AOPEP: variants seen among roughly 807,000 people sequenced by gnomAD.
AOPEP encodes the protein aminopeptidase O (putative).
A neutral mutation model predicts 98.1 loss-of-function variants in AOPEP; 77 were observed. The observed-to-expected ratio is 0.78, with a 90% CI of 0.65 to 0.95. The LOEUF (loss-of-function observed/expected upper bound fraction) is 0.95. Among genes scored for constraint, AOPEP ranks in the 40% least tolerant of loss-of-function variants. AOPEP has a pLI of 0.00. For missense variants in AOPEP, 1,024 were observed against 1,024.7 expected (o/e 1.00, Z 0.01); for synonymous variants, 346 against 365.3 (o/e 0.95, Z 0.60).
chr9:95,005,124 G>C (rs765863961), intron 11 of AOPEP, 34 bp from the exon 12 acceptor site: 7 of 1,091,452 alleles, frequency 6.4e-6, no homozygotes, highest in Non-Finnish European at 7.9e-6. Context: ...GGCCGCTCCC[G>C]CGGTAAACTT....
At chr9:95,144,136 G>C in the AOPEP span, among the ~76,000 whole-genome samples, 4 of 152,262 alleles carry the variant, frequency 2.6e-5, no homozygotes, top group East Asian at 1.9e-4. Flanking sequence ...ATCTGGGGAG[G>C]GGGGGCTGGG....
chr9:95,108,767 GT>G, the AOPEP span, among the ~76,000 whole-genome samples: 3 of 152,178 alleles, frequency 2.0e-5, no homozygotes, highest in Non-Finnish European at 4.4e-5. Context: ...TAATAATTCG[GT>G]TTATATACTT....
intron 3 of AOPEP, among the ~76,000 whole-genome samples, chr9:94,776,888 C>G (rs530609327): frequency 1.3e-5 from 2 of 148,394 alleles, no homozygotes; most frequent in Non-Finnish European, 3.0e-5. Context: ...CATTCTTGAG[C>G]TCTTAAGTTG....
downstream of AOPEP, among the ~76,000 whole-genome samples, chr9:95,087,456 C>A (rs2070786786): frequency 8.9e-6 from 1 of 112,470 alleles, no homozygotes; most frequent in African/African-American, 3.4e-5. Flanking sequence ...GCACTCCAGC[C>A]TGGGCGACAG....
the AOPEP span, among the ~76,000 whole-genome samples, chr9:95,102,114 A>T: frequency 6.6e-6 from 1 of 152,230 alleles, no homozygotes; most frequent in African/African-American, 2.4e-5. Context: ...CCTTAGACTC[A>T]TAAAGGCCAC....
downstream of AOPEP, among the ~76,000 whole-genome samples, chr9:95,092,084 A>G (rs538653763): frequency 3.2e-3 from 461 of 145,432 alleles, 6 homozygotes; most frequent in East Asian, 0.037. Flanking sequence ...GTGTGTGTGC[A>G]CACACACACA....
chr9:95,003,716 AAC>A lies in AOPEP; in HGVS notation c.1978-1438_1978-1437del, dbSNP rs3830200. 5.3e-3 allele frequency among the ~76,000 whole-genome samples: 801 copies of A among 152,368 alleles called. 14 individuals carry two copies. Among genetic ancestry groups the A allele is most frequent in the East Asian group, 0.043 (226 of 5,196 alleles). On this transcript the variant is annotated intron_variant, in intron 11 of 16. Transcript: ENST00000375315. ...TACAGTCTATACTAAAAGATATAAT[AAC>A]ACATTGAAAAATCTCTAGCAAATGA... is the stretch of plus-strand genomic sequence containing the variant.
chr9:95,082,569 C>A lies in AOPEP; in HGVS notation c.2320-6C>A. 6.2e-7 allele frequency: 1 copy of A among 1,614,000 alleles called. No homozygotes were observed. The highest frequency in any genetic ancestry group is 8.5e-7 in the Non-Finnish European group (1 of 1,179,984). On this transcript the variant is annotated splice_polypyrimidine_tract_variant and splice_region_variant and intron_variant, in intron 15 of 16. Coordinates refer to ENST00000375315, the MANE Select transcript of AOPEP (RefSeq NM_001193329.3). ...CCTGATGCCCTTTGGCCTCTGTGCC[C>A]TGCAGGCCATGGGTGTGTACCTCTA...
At chr9:95,128,612 TCA>T in the AOPEP span, among the ~76,000 whole-genome samples, 2 of 152,150 alleles carry the variant, frequency 1.3e-5, no homozygotes, top group African/African-American at 4.8e-5. Flanking sequence ...CAGCTCTTAC[TCA>T]GTTTGTTAGA....
intron 11 of AOPEP, among the ~76,000 whole-genome samples, chr9:94,996,021 A>G (rs2061200198): frequency 6.6e-6 from 1 of 152,096 alleles, no homozygotes. Context: ...CCACCTCCAC[A>G]TGCAGGGGGT....
At chr9:94,744,944 G>T (rs1834122411) in intron 1 of AOPEP, among the ~76,000 whole-genome samples, 1 of 151,054 alleles carries the variant, frequency 6.6e-6, no homozygotes, top group Non-Finnish European at 1.5e-5. Context: ...AATTTTTCTG[G>T]ATACATATTA....
intron 5 of AOPEP, among the ~76,000 whole-genome samples, chr9:94,851,073 C>A (rs1275413100): frequency 1.3e-5 from 2 of 152,174 alleles, no homozygotes; most frequent in African/African-American, 2.4e-5. Context: ...GACGGAGAAG[C>A]GGAGCTCTGA....
At chr9:94,963,436 G>A (rs929814100) in intron 9 of AOPEP, among the ~76,000 whole-genome samples, 4 of 152,064 alleles carry the variant, frequency 2.6e-5, no homozygotes, top group African/African-American at 7.2e-5. Flanking sequence ...AGCTGTATGC[G>A]ATGGACCTGA....
intron 5 of AOPEP, among the ~76,000 whole-genome samples, chr9:94,846,777 G>C (rs1049288193): frequency 6.6e-6 from 1 of 152,144 alleles, no homozygotes; most frequent in East Asian, 1.9e-4. Context: ...TGCGATGGTG[G>C]TGTGTACATG....
At chr9:95,101,797 G>A in the AOPEP span, 5 of 1,614,012 alleles carry the variant, frequency 3.1e-6, no homozygotes, top group Admixed American at 1.7e-5. Context: ...ATCTGTACAA[G>A]GTCTGGTCAA....
chr9:95,077,353 C>T (rs914428138), intron 14 of AOPEP, among the ~76,000 whole-genome samples: 3 of 152,226 alleles, frequency 2.0e-5, no homozygotes, highest in Non-Finnish European at 2.9e-5. Context: ...CCTTCCTAAT[C>T]GTGCAGAGAA....
the AOPEP span, chr9:95,127,177 G>C: frequency 6.5e-5 from 10 of 153,750 alleles, no homozygotes; most frequent in Admixed American, 5.8e-4. Flanking sequence ...GAATATTTCG[G>C]TGATGGGTTC....
chr9:94,769,759 G>T (rs965655063), intron 2 of AOPEP, among the ~76,000 whole-genome samples: 3 of 152,206 alleles, frequency 2.0e-5, no homozygotes, highest in Admixed American at 2.0e-4. Flanking sequence ...AGAGCTTGCT[G>T]GGGGCCTGGC....
intron 5 of AOPEP, among the ~76,000 whole-genome samples, chr9:94,830,570 C>T (rs1363664886): frequency 6.6e-6 from 1 of 152,160 alleles, no homozygotes; most frequent in African/African-American, 2.4e-5. Context: ...AATGGTATTG[C>T]TTACATCCTA....
Sources: gnomAD v4.1 joint callset for allele counts (sites outside exome capture counted in the v4.1 genomes callset) on GRCh38, gnomAD v4.1.1 for gene constraint, MANE v1.5 for transcripts, NCBI Gene and HGNC (gene_info 2026-07-23, HGNC 2026-07-21) for gene names.